CCDC170: variants seen among roughly 807,000 people sequenced by gnomAD.
The protein encoded by CCDC170 is coiled-coil domain containing 170.
Under a neutral mutation model 72.6 loss-of-function variants are expected in CCDC170, and 69 were observed. The observed-to-expected ratio is 0.95, with a 90% CI of 0.78 to 1.16. CCDC170 has a LOEUF of 1.16. Among genes scored for constraint, CCDC170 ranks in the 50% most tolerant of loss-of-function variants. The pLI is 0.00. For missense variants in CCDC170, 852 were observed against 832.5 expected, an observed-to-expected ratio of 1.02 and a Z score of -0.29; for synonymous variants, 300 against 303.9, an observed-to-expected ratio of 0.99 and a Z score of 0.13.
At position 151,615,639 on chromosome 6, in the gene CCDC170, TA is replaced by T. The variant is rs751612825; in HGVS notation, c.1914del (p.Lys638AsnfsTer24). 1.2e-6 allele frequency: 2 copies of T among 1,613,864 alleles called. No homozygotes were observed. Among genetic ancestry groups the T allele is most frequent in the Non-Finnish European group, 8.5e-7 (1 of 1,179,938 alleles). Reference sequence around the variant, plus strand: ...GTGGTAACCAGTGAAATGAAGACACTAAAAAAATCTCTGGAAGAAGCAGAAA... The same window carrying T: ...GTGGTAACCAGTGAAATGAAGACACTAAAAAATCTCTGGAAGAAGCAGAAA... ...IEVVTSEMKTLKKSLEEAEKR... is the reference protein window; with the variant it reads ...IEVVTSEMKTXKKSLEEAEKR... On this transcript the variant is annotated frameshift_variant, in exon 10 of 11. Coordinates refer to ENST00000239374, the MANE Select transcript of CCDC170 (RefSeq NM_025059.4). LOFTEE classifies it high-confidence loss of function.
At chr6:151,596,234 C>G in intron 8 of CCDC170, 101 bp from the exon 9 acceptor site, 1 of 1,316,272 alleles carries the variant, frequency 7.6e-7, no homozygotes, top group South Asian at 1.7e-5. Flanking sequence ...ACAAATTACT[C>G]TTATTGAGGT....
intron 1 of CCDC170, among the ~76,000 whole-genome samples, chr6:151,508,536 CT>C (rs1782096287): frequency 6.6e-6 from 1 of 151,400 alleles, no homozygotes; most frequent in Non-Finnish European, 1.5e-5. Flanking sequence ...GAAACTCCAT[CT>C]GAAAAAAACC....
At chr6:151,572,470 C>T (rs12204083) in intron 5 of CCDC170, among the ~76,000 whole-genome samples, 11,754 of 152,086 alleles carry the variant, frequency 0.077, 550 homozygotes, top group Non-Finnish European at 0.11. Flanking sequence ...TCCGTATACA[C>T]CAAGCTTGAG....
intron 1 of CCDC170, among the ~76,000 whole-genome samples, chr6:151,504,231 A>G (rs544891266): frequency 4.6e-5 from 7 of 152,338 alleles, no homozygotes; most frequent in Non-Finnish European, 1.0e-4. Context: ...ACAATTGGTT[A>G]ATCAAAGTGA....
intron 1 of CCDC170, among the ~76,000 whole-genome samples, chr6:151,509,222 G>GTATCTATC (rs59062141): frequency 0.016 from 2,011 of 127,392 alleles, 15 homozygotes; most frequent in East Asian, 0.033. Context: ...ATCTATCTAT[G>GTATCTATC]TATCTATCTA....
At position 151,597,289 on chromosome 6, in the gene CCDC170, C is replaced by A. The variant is rs565926601; in HGVS notation, c.1710+712C>A. On this transcript the variant is annotated intron_variant, in intron 9 of 10. Coordinates refer to ENST00000239374, the MANE Select transcript of CCDC170 (RefSeq NM_025059.4). ...TACAGGTGTGCACCACCATGCCATG[C>A]TAATTTTTTTGTATTTTTAGTAGAG... 2.3e-4 allele frequency among the ~76,000 whole-genome samples: 35 copies of A among 152,072 alleles called. 1 individual carries two copies. The highest frequency in any genetic ancestry group is 6.8e-3 in the Middle Eastern group (2 of 294).
intron 5 of CCDC170, among the ~76,000 whole-genome samples, chr6:151,555,362 G>A (rs926943579): frequency 6.6e-6 from 1 of 152,110 alleles, no homozygotes; most frequent in African/African-American, 2.4e-5. Context: ...ATAAACATGA[G>A]ATTAATTTAT....
At chr6:151,545,746 C>T (rs903801) in intron 4 of CCDC170, among the ~76,000 whole-genome samples, 90,390 of 151,956 alleles carry the variant, frequency 0.59, 29,765 homozygotes, top group Admixed American at 0.72. Flanking sequence ...GTGATCCTCC[C>T]GCCTCAGCCT....
chr6:151,531,869 C>G (rs1217522913), intron 1 of CCDC170, among the ~76,000 whole-genome samples: 1 of 152,166 alleles, frequency 6.6e-6, no homozygotes, highest in Admixed American at 6.5e-5. Flanking sequence ...CTCATGGGAA[C>G]TCACTACTAT....
intron 10 of CCDC170, among the ~76,000 whole-genome samples, chr6:151,616,107 TTTG>T (rs1211896610): frequency 6.6e-6 from 1 of 152,168 alleles, no homozygotes; most frequent in Non-Finnish European, 1.5e-5. Context: ...TGGGGAGGTT[TTTG>T]TTATGTTAGG....
Position 151,592,173 on chromosome 6 carries a change from T to C in CCDC170, c.1294-934T>C, listed in dbSNP as rs572161858. On this transcript the variant is annotated intron_variant, in intron 7 of 10. Coordinates refer to ENST00000239374, the MANE Select transcript of CCDC170 (RefSeq NM_025059.4). ...AGGAGTTTGAGACCAGCCTGGCCAA[T>C]ATGGTGAAACCCCGTCTCTGCTAAA... is the stretch of plus-strand genomic sequence containing the variant. 2.0e-3 allele frequency among the ~76,000 whole-genome samples: 299 copies of C among 151,814 alleles called. 2 individuals carry two copies. The highest frequency in any genetic ancestry group is 6.8e-3 in the Middle Eastern group (2 of 294).
rs553373734 is a variant in CCDC170 at position 151,494,602 on chromosome 6, C to T, written c.57+417C>T. Among the ~76,000 whole-genome samples, 8 of 152,300 alleles carry T rather than the reference C, an allele frequency of 5.3e-5. No individual in the cohort carries two copies. In the East Asian group the frequency reaches 1.5e-3, roughly 29 times the overall value. On this transcript the variant is annotated intron_variant, in intron 1 of 10. Coordinates refer to ENST00000239374, the MANE Select transcript of CCDC170 (RefSeq NM_025059.4). ...GAGGGCCAGCCCGGAGTAGAGTCAC[C>T]GGCCCTTTCGTTGCGAAGTAATCCA...
At chr6:151,525,002 G>A (rs1274904347) in intron 1 of CCDC170, among the ~76,000 whole-genome samples, 4 of 138,348 alleles carry the variant, frequency 2.9e-5, no homozygotes, top group Non-Finnish European at 4.5e-5. Flanking sequence ...GTGCAATCTC[G>A]GCTCACTGCA....
At position 151,617,951 on chromosome 6, in the gene CCDC170, CA is replaced by C. The variant is rs1776995664; in HGVS notation, c.1953del (p.Asp652ThrfsTer10). ...AGTTTCTGTTTGATATTGCAGCTGG[CA>C]GACTTCAGGGAGGTGGTGTCGCAGA... is the stretch of plus-strand genomic sequence containing the variant. ...EEAEKREKQL[A>X]DFREVVSQML... On this transcript the variant is annotated frameshift_variant, in exon 11 of 11. Transcript: ENST00000239374. LOFTEE classifies it high-confidence loss of function. 6.2e-7 allele frequency: 1 copy of C among 1,611,634 alleles called. No homozygotes were observed. The highest frequency in any genetic ancestry group is 2.2e-5 in the East Asian group (1 of 44,792).
At chr6:151,584,462 G>A (rs535749730) in intron 6 of CCDC170, among the ~76,000 whole-genome samples, 1 of 152,068 alleles carries the variant, frequency 6.6e-6, no homozygotes, top group East Asian at 1.9e-4. Flanking sequence ...AATTTCAAAC[G>A]GCATGAGAAT....
Position 151,494,063 on chromosome 6 carries a change from C to T in CCDC170, c.-66C>T, listed in dbSNP as rs548797349. 1.6e-5 allele frequency: 23 copies of T among 1,407,378 alleles called. No homozygotes were observed. The African/African-American group carries it at 3.0e-4, about 18-fold the overall frequency. The allele number at this position is 1,407,378 out of a possible 1,614,324, so 87.2% of individuals were successfully genotyped here. ...AGGAGACACCCGCGCCACCCGCCGG[C>T]TCCCGGCGCCGCCGCTTCCTCAGGG... On this transcript the variant is annotated 5_prime_UTR_variant, in exon 1 of 11. Transcript: ENST00000239374.
chr6:151,538,937 C>A (rs1173061410), intron 3 of CCDC170, among the ~76,000 whole-genome samples: 1 of 152,122 alleles, frequency 6.6e-6, no homozygotes, highest in Non-Finnish European at 1.5e-5. Context: ...TCCTCTTTCT[C>A]TACTTCCACT....
intron 9 of CCDC170, among the ~76,000 whole-genome samples, chr6:151,597,613 T>A (rs953117452): frequency 1.3e-5 from 2 of 152,212 alleles, no homozygotes; most frequent in Non-Finnish European, 2.9e-5. Context: ...CTCTGTAGGA[T>A]ACATCATTAC....
rs574778958 is a variant in CCDC170 at position 151,538,308 on chromosome 6, A to G, written c.443+7A>G. On this transcript the variant is annotated splice_region_variant and intron_variant, in intron 3 of 10. Transcript: ENST00000239374. Reference sequence around the variant, plus strand: ...AGTTAAATGAAAAATTACAGTAAGGATACTGCAATATATTTTTCGCTTTAG... The same window carrying G: ...AGTTAAATGAAAAATTACAGTAAGGGTACTGCAATATATTTTTCGCTTTAG... 1.3e-5 allele frequency: 21 copies of G among 1,608,894 alleles called. No homozygotes were observed. The highest frequency in any genetic ancestry group is 1.7e-5 in the Non-Finnish European group (20 of 1,177,308).
Sources: gnomAD v4.1 joint callset for allele counts (sites outside exome capture counted in the v4.1 genomes callset) on GRCh38, gnomAD v4.1.1 for gene constraint, MANE v1.5 for transcripts, NCBI Gene and HGNC (gene_info 2026-07-23, HGNC 2026-07-21) for gene names.